KCNIP4: variants seen among roughly 807,000 people sequenced by gnomAD.
KCNIP4 encodes the protein potassium voltage-gated channel interacting protein 4.
KCNIP4 carries 12 observed loss-of-function variants against 34.0 expected under a neutral mutation model. The observed-to-expected ratio is 0.35, with a 90% CI of 0.23 to 0.57. The LOEUF (loss-of-function observed/expected upper bound fraction) is 0.57. KCNIP4 is among the 20% of genes least tolerant of loss of function. KCNIP4 has a pLI of 0.83. For synonymous variants in KCNIP4, 124 were observed against 102.2 expected (o/e 1.21, Z -1.29); for missense variants, 238 against 311.7 (o/e 0.76, Z 1.78).
intron 1 of KCNIP4, among the ~76,000 whole-genome samples, chr4:21,144,741 C>T (rs1281869074): frequency 6.6e-6 from 1 of 152,206 alleles, no homozygotes; most frequent in Non-Finnish European, 1.5e-5. Flanking sequence ...CCTCCTCAGT[C>T]AAGTTTGAAA....
chr4:21,948,111 T>C (rs754938972), intron 1 of KCNIP4, among the ~76,000 whole-genome samples: 5 of 152,172 alleles, frequency 3.3e-5, no homozygotes, highest in South Asian at 2.1e-4. Context: ...CGCCAGTATA[T>C]TACCAGGGGA....
At chr4:20,766,222 A>G (rs1755398568) in intron 3 of KCNIP4, among the ~76,000 whole-genome samples, 1 of 152,194 alleles carries the variant, frequency 6.6e-6, no homozygotes. Context: ...CCCAAATTAG[A>G]AAATAGCAGA....
chr4:21,214,443 T>G (rs1040876321), intron 1 of KCNIP4, among the ~76,000 whole-genome samples: 4 of 152,226 alleles, frequency 2.6e-5, no homozygotes, highest in African/African-American at 9.6e-5. Flanking sequence ...AAAAAAATTC[T>G]GCCTTATGAA....
intron 1 of KCNIP4, among the ~76,000 whole-genome samples, chr4:20,888,216 A>T (rs562629627): frequency 6.6e-6 from 1 of 152,162 alleles, no homozygotes; most frequent in African/African-American, 2.4e-5. Context: ...TAGAAAATAC[A>T]TAAGATAGTA....
intron 5 of KCNIP4, 49 bp downstream of exon 5, chr4:20,749,613 A>C (rs780303241): frequency 7.6e-7 from 1 of 1,315,732 alleles, no homozygotes; most frequent in Non-Finnish European, 1.1e-6. Context: ...CCCCCTAAAA[A>C]GACTAAACTC....
Position 21,379,375 on chromosome 4 carries a change from C to T in KCNIP4, c.62-496666G>A, listed in dbSNP as rs1404399721. 1.3e-5 allele frequency among the ~76,000 whole-genome samples: 2 copies of T among 152,090 alleles called. 1 individual carries two copies. Among genetic ancestry groups the T allele is most frequent in the African/African-American group, 4.8e-5 (2 of 41,412 alleles). On this transcript the variant is annotated intron_variant, in intron 1 of 8. Coordinates refer to ENST00000382152, the MANE Select transcript of KCNIP4 (RefSeq NM_025221.6). ...TTCTGCATGCTTCCTCTTCAGAGAC[C>T]TTAAATCTATTCTCAAAACAGTCAG...
At chr4:21,754,021 C>G (rs984078434) in intron 1 of KCNIP4, among the ~76,000 whole-genome samples, 1 of 152,154 alleles carries the variant, frequency 6.6e-6, no homozygotes, top group African/African-American at 2.4e-5. Flanking sequence ...GATGCACCAA[C>G]GAATGAGACA....
At chr4:21,727,788 C>T (rs1258963831) in intron 1 of KCNIP4, among the ~76,000 whole-genome samples, 1 of 152,070 alleles carries the variant, frequency 6.6e-6, no homozygotes, top group Non-Finnish European at 1.5e-5. Context: ...GAGACCACAC[C>T]ACTGCATTCC....
chr4:21,746,831 G>A (rs1218997869), intron 1 of KCNIP4, among the ~76,000 whole-genome samples: 2 of 152,070 alleles, frequency 1.3e-5, no homozygotes, highest in African/African-American at 4.8e-5. Flanking sequence ...ATAAAATGCA[G>A]TATGCAAAGC....
At chr4:21,221,568 G>C (rs1009982199) in intron 1 of KCNIP4, among the ~76,000 whole-genome samples, 13 of 152,198 alleles carry the variant, frequency 8.5e-5, no homozygotes, top group African/African-American at 2.9e-4. Context: ...GAACAGCACA[G>C]GGGAACCGCA....
chr4:21,745,920 T>C (rs1476775507), intron 1 of KCNIP4, among the ~76,000 whole-genome samples: 3 of 152,174 alleles, frequency 2.0e-5, no homozygotes, highest in African/African-American at 7.2e-5. Context: ...TTGTTTGCTA[T>C]GATGCCATAA....
intron 3 of KCNIP4, among the ~76,000 whole-genome samples, chr4:20,835,152 T>C (rs1052775111): frequency 2.6e-5 from 4 of 152,200 alleles, no homozygotes; most frequent in African/African-American, 4.8e-5. Context: ...TGCCTGTTTT[T>C]TGAAGGACTA....
At chr4:21,466,871 A>C (rs1382477126) in intron 1 of KCNIP4, among the ~76,000 whole-genome samples, 2 of 152,136 alleles carry the variant, frequency 1.3e-5, no homozygotes, top group Admixed American at 6.6e-5. Flanking sequence ...GAGGTGAAGC[A>C]AATCTATCTA....
chr4:21,193,492 C>G (rs890055856), intron 1 of KCNIP4, among the ~76,000 whole-genome samples: 1 of 151,856 alleles, frequency 6.6e-6, no homozygotes, highest in African/African-American at 2.4e-5. Flanking sequence ...ACTCACATTT[C>G]TCTCATGATG....
intron 1 of KCNIP4, among the ~76,000 whole-genome samples, chr4:21,721,443 A>G (rs936173956): frequency 6.6e-5 from 10 of 152,232 alleles, no homozygotes; most frequent in Non-Finnish European, 1.5e-4. Flanking sequence ...CAAGGTATCA[A>G]GTAAAAATGA....
chr4:21,714,114 C>T (rs1713959167), intron 1 of KCNIP4, among the ~76,000 whole-genome samples: 1 of 152,060 alleles, frequency 6.6e-6, no homozygotes, highest in African/African-American at 2.4e-5. Flanking sequence ...AAAATATAGT[C>T]TAGTGCAGTG....
chr4:21,181,229 G>A (rs748347860), intron 1 of KCNIP4, among the ~76,000 whole-genome samples: 13 of 152,096 alleles, frequency 8.5e-5, no homozygotes, highest in Non-Finnish European at 1.5e-4. Context: ...CCAAGATAGG[G>A]TGACAAGTTT....
intron 1 of KCNIP4, among the ~76,000 whole-genome samples, chr4:20,886,170 C>T (rs1560542949): frequency 1.3e-5 from 2 of 152,264 alleles, no homozygotes; most frequent in East Asian, 1.9e-4. Context: ...TATAACTGGA[C>T]AAGCTACATG....
At chr4:21,136,127 T>G (rs73245255) in intron 1 of KCNIP4, among the ~76,000 whole-genome samples, 7,199 of 152,280 alleles carry the variant, frequency 0.047, 253 homozygotes, top group East Asian at 0.14. Context: ...TAAAGTAATG[T>G]CTTAAATTTT....
Sources: gnomAD v4.1 joint callset for allele counts (sites outside exome capture counted in the v4.1 genomes callset) on GRCh38, gnomAD v4.1.1 for gene constraint, MANE v1.5 for transcripts, NCBI Gene and HGNC (gene_info 2026-07-23, HGNC 2026-07-21) for gene names.